The following ALDH1L1 variants were observed in gnomAD, a reference collection of about 807,000 sequenced individuals.
ALDH1L1 encodes aldehyde dehydrogenase 1 family member L1.
ALDH1L1 carries 68 observed loss-of-function variants against 101.1 expected under a neutral mutation model. That is an observed-to-expected ratio of 0.67 (90% CI 0.55 to 0.82). The LOEUF (loss-of-function observed/expected upper bound fraction) is 0.82. Ranked by LOEUF, ALDH1L1 falls within the 40% of genes least tolerant of loss-of-function variation. ALDH1L1 has a pLI of 0.00. For missense variants in ALDH1L1, 1,087 were observed against 1,172.7 expected, an observed-to-expected ratio of 0.93 and a Z score of 1.07; for synonymous variants, 486 against 470.8, an observed-to-expected ratio of 1.03 and a Z score of -0.42.
At chr3:126,156,593 G>C (rs1025018376) in intron 4 of ALDH1L1, 3 of 152,412 alleles carry the variant, frequency 2.0e-5, no homozygotes, top group Admixed American at 6.5e-5. Context: ...TATGATCCCC[G>C]GGCCCCTCCT....
chr3:126,178,728 A>C (rs1295619274), intron 1 of ALDH1L1, among the ~76,000 whole-genome samples: 1 of 151,062 alleles, frequency 6.6e-6, no homozygotes, highest in African/African-American at 2.4e-5. Context: ...AACCACGATA[A>C]TTGTGTAAGG....
Position 126,157,409 on chromosome 3 carries a change from C to T in ALDH1L1, c.462G>A (p.Val154=). 1.2e-6 allele frequency: 2 copies of T among 1,614,088 alleles called. No individual in the cohort carries two copies. Among genetic ancestry groups the T allele is most frequent in the African/African-American group, 2.7e-5 (2 of 75,034 alleles). Reference sequence around the variant, plus strand: ...GCGTGCTCACGGTGTCGTCCGGGAGCACCTCACACTCCTTCTGCAGCAGCA... The same window carrying T: ...GCGTGCTCACGGTGTCGTCCGGGAGTACCTCACACTCCTTCTGCAGCAGCA... ...GDLLLQKECE[V]LPDDTVSTLY... Residue 154 remains valine, a synonymous_variant, in exon 4 of 23, where the codon GTG becomes GTA. Coordinates refer to ENST00000393434, the MANE Select transcript of ALDH1L1 (RefSeq NM_012190.4).
chr3:126,161,611 GCA>G (rs1371329941), intron 1 of ALDH1L1, among the ~76,000 whole-genome samples: 1 of 152,164 alleles, frequency 6.6e-6, no homozygotes, highest in Non-Finnish European at 1.5e-5. Context: ...AGCTAATCAT[GCA>G]CATTCTCCAA....
chr3:126,113,847 T>G (rs1404696420), intron 18 of ALDH1L1, among the ~76,000 whole-genome samples: 1 of 152,188 alleles, frequency 6.6e-6, no homozygotes, highest in Non-Finnish European at 1.5e-5. Context: ...GACTGACACA[T>G]GTCTCAAGTG....
At chr3:126,168,754 G>A (rs1266687366) in intron 1 of ALDH1L1, among the ~76,000 whole-genome samples, 2 of 152,038 alleles carry the variant, frequency 1.3e-5, no homozygotes, top group Admixed American at 1.3e-4. Flanking sequence ...CCAAAAGACT[G>A]TCTAATAGGT....
intron 22 of ALDH1L1, chr3:126,104,114 G>T (rs1175020691): frequency 1.9e-6 from 1 of 538,658 alleles, no homozygotes; most frequent in Non-Finnish European, 3.3e-6. Flanking sequence ...TCTGGACAGT[G>T]GGAAGCCCCT....
At chr3:126,186,342 G>A (rs1288635076), upstream of ALDH1L1, among the ~76,000 whole-genome samples, 1 of 152,210 alleles carries the variant, frequency 6.6e-6, no homozygotes, top group Non-Finnish European at 1.5e-5. Context: ...CCCTGGGCCT[G>A]GGCTGGCCAC....
intron 1 of ALDH1L1, among the ~76,000 whole-genome samples, chr3:126,178,470 T>C (rs1414526322): frequency 6.7e-6 from 1 of 149,000 alleles, no homozygotes; most frequent in Non-Finnish European, 1.5e-5. Context: ...AGACTGAGAA[T>C]ATGGGAACTC....
rs191122098 is a variant in ALDH1L1, at chr3:126,155,549, C to T, written c.529-46G>A. On this transcript the variant is annotated intron_variant, in intron 4 of 22. Coordinates refer to ENST00000393434, the MANE Select transcript of ALDH1L1 (RefSeq NM_012190.4). Reference sequence around the variant, plus strand: ...GCTATCCCCAGCAATAGGACCCTGCCTCCTTCCCAGCCCCAGGGCCCACAT... The same window carrying T: ...GCTATCCCCAGCAATAGGACCCTGCTTCCTTCCCAGCCCCAGGGCCCACAT... 3.9e-6 allele frequency: 6 copies of T among 1,533,462 alleles called. No individual in the cohort carries two copies. In the African/African-American group the frequency reaches 5.5e-5, roughly 14 times the overall value. The allele number at this position is 1,533,462 out of a possible 1,614,324, so 95.0% of individuals were successfully genotyped here. A position where few individuals can be genotyped will look rare whatever the true frequency, so the allele number is the denominator to read the frequency against.
chr3:126,184,457 CT>C (rs1434670565), upstream of ALDH1L1, among the ~76,000 whole-genome samples: 4 of 152,242 alleles, frequency 2.6e-5, no homozygotes, highest in African/African-American at 9.6e-5. Context: ...GGGACAGGGC[CT>C]GTTTCATCTG....
intron 20 of ALDH1L1, among the ~76,000 whole-genome samples, chr3:126,109,364 G>A (rs1163571280): frequency 6.6e-6 from 1 of 152,126 alleles, no homozygotes; most frequent in African/African-American, 2.4e-5. Context: ...ACTATAGCTG[G>A]GACATTGCAA....
chr3:126,143,335 C>A (rs2080605005), intron 9 of ALDH1L1, among the ~76,000 whole-genome samples: 1 of 152,048 alleles, frequency 6.6e-6, no homozygotes, highest in African/African-American at 2.4e-5. Context: ...AATGGGTGGG[C>A]AGTGCATACA....
intron 17 of ALDH1L1, 135 bp from the exon 18 acceptor site, chr3:126,114,791 A>ACCCCCCCCC: frequency 5.0e-6 from 3 of 600,068 alleles, no homozygotes; most frequent in South Asian, 1.9e-5. Context: ...GTGCCTCCCC[A>ACCCCCCCCC]CTCCCCCCCA....
At chr3:126,196,009 G>GT (rs746659650) in intron 1 of ALDH1L1, among the ~76,000 whole-genome samples, 4 of 152,256 alleles carry the variant, frequency 2.6e-5, no homozygotes, top group Non-Finnish European at 5.9e-5. Flanking sequence ...TATACCTAAT[G>GT]TAAATGACGA....
intron 16 of ALDH1L1, among the ~76,000 whole-genome samples, chr3:126,121,564 C>T (rs1333075150): frequency 6.6e-6 from 1 of 152,180 alleles, no homozygotes; most frequent in Non-Finnish European, 1.5e-5. Flanking sequence ...GGAAGGCCAG[C>T]TTGAGGAGCC....
intron 9 of ALDH1L1, 96 bp from the exon 10 acceptor site, chr3:126,138,056 G>C: frequency 6.7e-7 from 1 of 1,491,336 alleles, no homozygotes; most frequent in Non-Finnish European, 9.1e-7. Flanking sequence ...CCCCAGAGAG[G>C]CTCCATCCCA....
At chr3:126,145,909 T>C (rs1393297337) in intron 9 of ALDH1L1, among the ~76,000 whole-genome samples, 1 of 152,202 alleles carries the variant, frequency 6.6e-6, no homozygotes, top group Non-Finnish European at 1.5e-5. Flanking sequence ...CATCCTCAGC[T>C]CGGTAGCTGT....
chr3:126,174,195 C>T lies in ALDH1L1; in HGVS notation c.-24+6281G>A, dbSNP rs1221984369. On this transcript the variant is annotated intron_variant, in intron 1 of 22. Coordinates refer to ENST00000393434, the MANE Select transcript of ALDH1L1 (RefSeq NM_012190.4). ...CTAGGATTACAGGCATGCACCACCACGTCCGGCTAATTTTGTATTTTTAGT... is the reference window on the plus strand; with the variant it reads ...CTAGGATTACAGGCATGCACCACCATGTCCGGCTAATTTTGTATTTTTAGT... Among the ~76,000 whole-genome samples, 6 of 152,258 alleles carry T rather than the reference C, an allele frequency of 3.9e-5. No individual in the cohort carries two copies. In the East Asian group the frequency reaches 9.7e-4, roughly 25 times the overall value.
At chr3:126,112,999 T>C (rs1285174536) in intron 18 of ALDH1L1, 119 bp from the exon 19 acceptor site, 1 of 816,556 alleles carries the variant, frequency 1.2e-6, no homozygotes, top group African/African-American at 1.7e-5. Flanking sequence ...TGTCCTGATC[T>C]CCTCCTGTGG....
Sources: allele counts gnomAD v4.1 joint callset (sites outside exome capture counted in the v4.1 genomes callset), GRCh38; gene constraint gnomAD v4.1.1; transcripts MANE v1.5; gene names NCBI Gene and HGNC (gene_info 2026-07-23, HGNC 2026-07-21).